The following SPECC1 variants were observed in gnomAD, a reference collection of about 807,000 sequenced individuals.
The protein encoded by SPECC1 is sperm antigen with calponin homology and coiled-coil domains 1.
Under a neutral mutation model 104.1 loss-of-function variants are expected in SPECC1, and 62 were observed. The ratio of observed to expected loss-of-function variants is 0.60; its 90% CI spans 0.49 to 0.74. The LOEUF (loss-of-function observed/expected upper bound fraction) is 0.74. Among genes scored for constraint, SPECC1 ranks in the 30% least tolerant of loss-of-function variants. The probability of loss-of-function intolerance (pLI) is 0.00; values close to 1 mark genes in which losing one functional copy is unlikely to be tolerated. For synonymous variants in SPECC1, 513 were observed against 501.6 expected (o/e 1.02, Z -0.30); for missense variants, 1,306 against 1,310.5 (o/e 1.00, Z 0.05).
At chr17:20,163,060 T>C (rs1018385232) in intron 3 of SPECC1, among the ~76,000 whole-genome samples, 2 of 152,076 alleles carry the variant, frequency 1.3e-5, no homozygotes, top group African/African-American at 2.4e-5. Flanking sequence ...GATGCATACA[T>C]CAAATATCAA....
chr17:20,080,562 C>A (rs2152490411), intron 1 of SPECC1, among the ~76,000 whole-genome samples: 1 of 152,010 alleles, frequency 6.6e-6, no homozygotes, highest in East Asian at 1.9e-4. Flanking sequence ...AGCGGCCTAC[C>A]TTGCTGCCTC....
At chr17:20,120,941 G>A (rs1275763865) in intron 3 of SPECC1, among the ~76,000 whole-genome samples, 2 of 152,154 alleles carry the variant, frequency 1.3e-5, no homozygotes, top group Non-Finnish European at 2.9e-5. Context: ...CATCTGTCAT[G>A]GGTGGTATTG....
intron 1 of SPECC1, chr17:20,087,062 T>G (rs538680505): frequency 6.6e-5 from 10 of 152,328 alleles, no homozygotes; most frequent in African/African-American, 2.2e-4. Flanking sequence ...GTACTCAGAC[T>G]TGATACTTTA....
chr17:20,036,778 G>A (rs551867026), intron 1 of SPECC1, among the ~76,000 whole-genome samples: 125 of 152,124 alleles, frequency 8.2e-4, no homozygotes, highest in Middle Eastern at 3.4e-3. Context: ...TTTCTTCTTT[G>A]CCAATCTGCA....
At chr17:20,089,974 C>A (rs544689429) in intron 1 of SPECC1, among the ~76,000 whole-genome samples, 7 of 152,316 alleles carry the variant, frequency 4.6e-5, no homozygotes, top group African/African-American at 1.7e-4. Context: ...GTGCCCCAGG[C>A]TGAGGCTGGC....
At chr17:20,278,719 C>T (rs201314732) in intron 12 of SPECC1, among the ~76,000 whole-genome samples, 3 of 107,880 alleles carry the variant, frequency 2.8e-5, no homozygotes, top group Non-Finnish European at 4.0e-5. Context: ...CTCTCTCTCT[C>T]TTTTTTTTTT....
chr17:20,231,386 A>G (rs963518368), intron 5 of SPECC1, among the ~76,000 whole-genome samples: 1 of 152,236 alleles, frequency 6.6e-6, no homozygotes, highest in African/African-American at 2.4e-5. Flanking sequence ...TCTCACAGCA[A>G]TAAAGGACAC....
chr17:20,313,205 C>T lies in SPECC1; in HGVS notation c.3118-771C>T, dbSNP rs140244967. The stretch of plus-strand genomic sequence containing the variant: ...AAATAAATCAGTCAGTAAAAACCAG[C>T]AAATTAGCAAAAGTAAAATAAAAAT... On this transcript the variant is annotated intron_variant, in intron 14 of 14. Transcript: ENST00000395527. Among the ~76,000 whole-genome samples the T allele has an allele frequency of 4.9e-3, 745 of 152,158 alleles. 6 individuals carry two copies. The highest frequency in any genetic ancestry group is 0.01 in the Middle Eastern group (3 of 294).
At chr17:20,203,412 A>T in intron 3 of SPECC1, among the ~76,000 whole-genome samples, 1 of 152,246 alleles carries the variant, frequency 6.6e-6, no homozygotes. Context: ...TCTGTGATAT[A>T]GTACAGATGA....
rs141601512 is a variant in SPECC1 at position 20,244,079 on chromosome 17, G to A, written c.2352-1847G>A. Among the ~76,000 whole-genome samples, 971 of 152,130 alleles carry A rather than the reference G, an allele frequency of 6.4e-3. 8 individuals carry two copies. Among genetic ancestry groups the A allele is most frequent in the African/African-American group, 0.022 (916 of 41,480 alleles). On this transcript the variant is annotated intron_variant, in intron 7 of 14. Coordinates refer to ENST00000395527, the MANE Select transcript of SPECC1 (RefSeq NM_001243439.2). ...TAAAAAAAAAAAATACGAAAGATTA[G>A]CAAAGTGTGCTGGTGCTTGCCTGTA...
At chr17:20,046,727 G>A (rs983047682) in intron 1 of SPECC1, among the ~76,000 whole-genome samples, 15 of 152,142 alleles carry the variant, frequency 9.9e-5, no homozygotes, top group Non-Finnish European at 2.1e-4. Flanking sequence ...GTAGGTAAGG[G>A]AGTTAACTCA....
chr17:20,312,426 A>G (rs1294184978), intron 14 of SPECC1, among the ~76,000 whole-genome samples: 2 of 152,254 alleles, frequency 1.3e-5, no homozygotes, highest in Non-Finnish European at 2.9e-5. Flanking sequence ...TTGTCTGCTC[A>G]AAACTGAATA....
chr17:20,083,001 C>T (rs1169679520), intron 1 of SPECC1, among the ~76,000 whole-genome samples: 1 of 149,770 alleles, frequency 6.7e-6, no homozygotes, highest in Non-Finnish European at 1.5e-5. Context: ...TTCGTTCGTT[C>T]GTTCATTCAT....
At chr17:20,175,118 G>A (rs538180904) in intron 3 of SPECC1, among the ~76,000 whole-genome samples, 52 of 152,174 alleles carry the variant, frequency 3.4e-4, no homozygotes, top group African/African-American at 1.1e-3. Context: ...AAGAAAGTGC[G>A]CCTCTGTTTC....
intron 1 of SPECC1, among the ~76,000 whole-genome samples, chr17:20,083,606 T>A (rs2047064872): frequency 6.6e-6 from 1 of 150,868 alleles, no homozygotes; most frequent in Admixed American, 6.6e-5. Flanking sequence ...AGTACTAGTC[T>A]AATGTGGGGA....
At chr17:20,244,220 C>T (rs573794779) in intron 7 of SPECC1, among the ~76,000 whole-genome samples, 1 of 152,210 alleles carries the variant, frequency 6.6e-6, no homozygotes, top group Admixed American at 6.5e-5. Context: ...CAGAGCGAGA[C>T]TCTGTCTCAG....
rs377438978 is a variant in SPECC1, at chr17:20,108,049, A to G, written c.148-2378A>G. Among the ~76,000 whole-genome samples the G allele has an allele frequency of 4.6e-5, 7 of 152,202 alleles. 1 individual carries two copies. The highest frequency in any genetic ancestry group is 3.3e-4 in the Admixed American group (5 of 15,286). ...CCGTCATCCCTCTTGTTAAAAGGCAATGGCGAGTTACTGTTTAATGAGTAG... is the reference window on the plus strand; with the variant it reads ...CCGTCATCCCTCTTGTTAAAAGGCAGTGGCGAGTTACTGTTTAATGAGTAG... On this transcript the variant is annotated intron_variant, in intron 2 of 14. Transcript: ENST00000395527.
rs1295264979 is a variant in SPECC1 at position 20,111,367 on chromosome 17, T to G, written c.283+805T>G. Among the ~76,000 whole-genome samples the G allele has an allele frequency of 1.3e-5, 2 of 152,234 alleles. 1 individual carries two copies. Among genetic ancestry groups the G allele is most frequent in the Non-Finnish European group, 2.9e-5 (2 of 68,042 alleles). ...ATCTCAAAAGGTATATTTTAATTTA[T>G]CAGTTTTTAAAAAGTTGAATCTGTG... is the stretch of plus-strand genomic sequence containing the variant. On this transcript the variant is annotated intron_variant, in intron 3 of 14. Coordinates refer to ENST00000395527, the MANE Select transcript of SPECC1 (RefSeq NM_001243439.2).
chr17:20,213,279 A>G (rs536997129), intron 4 of SPECC1, among the ~76,000 whole-genome samples: 2 of 152,124 alleles, frequency 1.3e-5, no homozygotes, highest in East Asian at 3.9e-4. Flanking sequence ...TTTTATTTTC[A>G]TAGAGACAGG....
Sources: allele counts gnomAD v4.1 joint callset (sites outside exome capture counted in the v4.1 genomes callset), GRCh38; gene constraint gnomAD v4.1.1; transcripts MANE v1.5; gene names NCBI Gene and HGNC (gene_info 2026-07-23, HGNC 2026-07-21).